Variants in NPM2 observed in about 807,000 individuals in gnomAD.
NPM2 encodes nucleoplasmin-2.
A neutral mutation model predicts 32.0 loss-of-function variants in NPM2; 25 were observed. The ratio of observed to expected loss-of-function variants is 0.78; its 90% CI spans 0.57 to 1.09. The LOEUF (loss-of-function observed/expected upper bound fraction) is 1.09, where lower values mean the gene tolerates loss of function less well. Ranked by LOEUF, NPM2 falls within the 50% of genes least tolerant of loss-of-function variation. NPM2 has a pLI of 0.00. For synonymous variants in NPM2, 111 were observed against 94.2 expected (o/e 1.18, Z -1.04); for missense variants, 282 against 259.9 (o/e 1.08, Z -0.58).
intron 5 of NPM2, among the ~76,000 whole-genome samples, chr8:22,030,260 A>C (rs1241672728): frequency 1.3e-5 from 2 of 152,136 alleles, no homozygotes; most frequent in Non-Finnish European, 2.9e-5. Context: ...TGTTTTAAAG[A>C]CAAGGTCTTG....
Position 22,034,124 on chromosome 8 carries a change from C to G in NPM2, c.380C>G (p.Thr127Ser). Residue 127 changes from threonine to serine, a missense_variant, in exon 7 of 10, where the codon ACC becomes AGC. Physicochemically the swap from Thr to Ser is moderately conservative, Grantham distance 58. Transcript: ENST00000518119. ...GQERYEASDL[T>S]WEEEEEEEGE... Reference sequence around the variant, plus strand: ...GCTATTACAGAAGCATCAGACCTAACCTGGGAGGAGGAGGAGGAAGAAGAA... The same window carrying G: ...GCTATTACAGAAGCATCAGACCTAAGCTGGGAGGAGGAGGAGGAAGAAGAA... 1 of 1,601,168 alleles carries G rather than the reference C, an allele frequency of 6.2e-7. No individual in the cohort carries two copies. The highest frequency in any genetic ancestry group is 1.1e-5 in the South Asian group (1 of 87,402).
At chr8:22,026,973 A>G (rs2117448932) in intron 5 of NPM2, among the ~76,000 whole-genome samples, 1 of 152,310 alleles carries the variant, frequency 6.6e-6, no homozygotes, top group Admixed American at 6.5e-5. Context: ...AGGGGGTTAA[A>G]TTTTACCAAA....
chr8:22,029,187 C>G (rs1019801993), intron 5 of NPM2, among the ~76,000 whole-genome samples: 1 of 152,142 alleles, frequency 6.6e-6, no homozygotes, highest in African/African-American at 2.4e-5. Flanking sequence ...GTTTCCCAGG[C>G]TAGAGTGCAG....
At chr8:22,029,484 T>A (rs1563353606) in intron 5 of NPM2, among the ~76,000 whole-genome samples, 1 of 152,206 alleles carries the variant, frequency 6.6e-6, no homozygotes, top group African/African-American at 2.4e-5. Flanking sequence ...TATCAAGTGT[T>A]CTAGCTCCAA....
intron 8 of NPM2, among the ~76,000 whole-genome samples, chr8:22,036,152 G>A (rs1800612752): frequency 6.6e-6 from 1 of 152,022 alleles, no homozygotes; most frequent in Non-Finnish European, 1.5e-5. Flanking sequence ...AGGAGGCTGA[G>A]GCAGGAGGAT....
At chr8:22,032,963 G>C (rs1800487998) in intron 5 of NPM2, 167 bp from the exon 6 acceptor site, 2 of 603,730 alleles carry the variant, frequency 3.3e-6, no homozygotes, top group Non-Finnish European at 6.0e-6. Context: ...AGCTTAGCAA[G>C]AATGGGATTA....
chr8:22,036,822 C>T lies in NPM2; in HGVS notation c.*140C>T, dbSNP rs1290906688. On this transcript the variant is annotated 3_prime_UTR_variant, in exon 10 of 10. Transcript: ENST00000518119. The stretch of plus-strand genomic sequence containing the variant: ...CGGGGGCAACATGAGAGCCCCTCAC[C>T]CCCAACTCTCCACTTTCAGGAGGCC... 8 of 790,536 alleles carry T rather than the reference C, an allele frequency of 1.0e-5. No homozygotes were observed. Among genetic ancestry groups the T allele is most frequent in the Non-Finnish European group, 3.9e-6 (2 of 519,334 alleles). 49.0% of individuals were successfully genotyped at this position (790,536 alleles called of 1,614,324 possible).
At chr8:22,031,363 A>G (rs909471987) in intron 5 of NPM2, among the ~76,000 whole-genome samples, 2 of 151,912 alleles carry the variant, frequency 1.3e-5, no homozygotes, top group Non-Finnish European at 2.9e-5. Context: ...TGAGGGTCCT[A>G]CCCTCCCCAT....
At chr8:22,025,805 G>T (rs1354382946) in intron 5 of NPM2, 33 bp downstream of exon 5, 34 of 1,613,018 alleles carry the variant, frequency 2.1e-5, no homozygotes, top group Non-Finnish European at 2.6e-5. Context: ...GAAGACTGCT[G>T]TCAGCCTCAC....
chr8:22,030,887 C>T (rs1354448780), intron 5 of NPM2, among the ~76,000 whole-genome samples: 10 of 152,240 alleles, frequency 6.6e-5, no homozygotes, highest in African/African-American at 1.7e-4. Context: ...AGTTCTTGGT[C>T]GGGCTAGTCT....
chr8:22,028,297 A>T (rs964195819), intron 5 of NPM2, among the ~76,000 whole-genome samples: 24 of 150,926 alleles, frequency 1.6e-4, no homozygotes, highest in Admixed American at 1.3e-3. Context: ...TCTGGCTCTT[A>T]ACAGAAAGTT....
intron 5 of NPM2, among the ~76,000 whole-genome samples, chr8:22,030,212 C>A (rs1800392496): frequency 6.6e-6 from 1 of 152,162 alleles, no homozygotes; most frequent in Admixed American, 6.5e-5. Context: ...CTGGTTTTTT[C>A]TGCTTTTTAA....
rs2117442208 is a variant in NPM2 at position 22,025,118 on chromosome 8, G to A, written c.-33-98G>A. ...TGGCAGGTCCCCTCCAGCCGCGAGC[G>A]ACCCCTCAGTACCTGCCGATGCCTG... On this transcript the variant is annotated intron_variant, in intron 2 of 9. Transcript: ENST00000518119. 8.0e-6 allele frequency: 8 copies of A among 999,718 alleles called. No homozygotes were observed. The South Asian group carries it at 9.5e-5, about 12-fold the overall frequency. 61.9% of individuals were successfully genotyped at this position (999,718 alleles called of 1,614,324 possible).
chr8:22,029,715 C>G (rs1470974321), intron 5 of NPM2, among the ~76,000 whole-genome samples: 1 of 152,116 alleles, frequency 6.6e-6, no homozygotes, highest in Non-Finnish European at 1.5e-5. Flanking sequence ...CATGATTTTG[C>G]CCTCATTCCT....
chr8:22,036,449 C>G, intron 8 of NPM2, 44 bp from the exon 9 acceptor site: 5 of 1,585,386 alleles, frequency 3.2e-6, no homozygotes, highest in Middle Eastern at 3.4e-4. Flanking sequence ...TGAGCTCTCT[C>G]CCTGACCCCA....
In NPM2 at chr8:22,025,277, A is replaced by C. The variant is rs1440741101; in HGVS notation, c.29A>C (p.Glu10Ala). ...AATCTCAGTAGCGCCAGTAGCACGGAGGAAAAGGCAGTGACGACCGTGCTC... is the reference window on the plus strand; with the variant it reads ...AATCTCAGTAGCGCCAGTAGCACGGCGGAAAAGGCAGTGACGACCGTGCTC... MNLSSASSTEEKAVTTVLWG... is the reference protein window; with the variant it reads MNLSSASSTAEKAVTTVLWG... The change falls in exon 3 of 10, where the codon GAG becomes GCG. Residue 10 changes from glutamate to alanine, a missense_variant. By Grantham distance (107) the Glu-to-Ala change is moderately radical. Transcript: ENST00000518119. The C allele has an allele frequency of 6.2e-7, 1 of 1,611,310 alleles. No individual in the cohort carries two copies. Among genetic ancestry groups the C allele is most frequent in the South Asian group, 1.1e-5 (1 of 90,694 alleles).
chr8:22,028,420 G>A (rs1226102116), intron 5 of NPM2, among the ~76,000 whole-genome samples: 2 of 141,632 alleles, frequency 1.4e-5, no homozygotes, highest in East Asian at 2.1e-4. Flanking sequence ...GCTTAATCTC[G>A]GCTCACTGCA....
rs1050772177 is a variant in NPM2 at position 22,036,804 on chromosome 8, A to AACATGAG, written c.*124_*130dup. ...AATGCAACAGGGGTGTTGCGGGGGC[A>AACATGAG]ACATGAGAGCCCCTCACCCCCAACT... On this transcript the variant is annotated 3_prime_UTR_variant, in exon 10 of 10. Transcript: ENST00000518119. The AACATGAG allele has an allele frequency of 1.0e-6, 1 of 971,052 alleles. No individual in the cohort carries two copies. Among genetic ancestry groups the AACATGAG allele is most frequent in the African/African-American group, 1.7e-5 (1 of 59,436 alleles). 60.2% of individuals were successfully genotyped at this position (971,052 alleles called of 1,614,324 possible).
chr8:22,036,832 C>T lies in NPM2; in HGVS notation c.*150C>T. On this transcript the variant is annotated 3_prime_UTR_variant, in exon 10 of 10. Coordinates refer to ENST00000518119, the MANE Select transcript of NPM2 (RefSeq NM_001286680.2). The stretch of plus-strand genomic sequence containing the variant: ...ATGAGAGCCCCTCACCCCCAACTCT[C>T]CACTTTCAGGAGGCCCCCAGTGAAG... The T allele has an allele frequency of 1.3e-6, 1 of 753,998 alleles. No homozygotes were observed. Among genetic ancestry groups the T allele is most frequent in the Non-Finnish European group, 2.0e-6 (1 of 487,956 alleles). 46.7% of individuals were successfully genotyped at this position (753,998 alleles called of 1,614,324 possible).
Sources: gnomAD v4.1 joint callset for allele counts (sites outside exome capture counted in the v4.1 genomes callset) on GRCh38, gnomAD v4.1.1 for gene constraint, MANE v1.5 for transcripts, NCBI Gene and HGNC (gene_info 2026-07-23, HGNC 2026-07-21) for gene names.